The following SNX30 variants were observed in gnomAD, a reference collection of about 807,000 sequenced individuals.
The protein encoded by SNX30 is sorting nexin family member 30.
In SNX30, 24 loss-of-function variants were observed where a neutral mutation model predicts 46.4. That is an observed-to-expected ratio of 0.52 (90% CI 0.37 to 0.73). SNX30 has a LOEUF of 0.73. Among genes scored for constraint, SNX30 ranks in the 30% least tolerant of loss-of-function variants. SNX30 has a pLI of 0.00. For missense variants in SNX30, 533 were observed against 555.7 expected, an observed-to-expected ratio of 0.96 and a Z score of 0.41; for synonymous variants, 189 against 211.5, an observed-to-expected ratio of 0.89 and a Z score of 0.92.
chr9:112,863,228 G>A (rs1428881789), intron 7 of SNX30, among the ~76,000 whole-genome samples: 4 of 152,194 alleles, frequency 2.6e-5, no homozygotes, highest in African/African-American at 9.7e-5. Flanking sequence ...TGGACTCCCA[G>A]GGGTGAGCCA....
chr9:112,861,796 G>A (rs947299173), intron 7 of SNX30, among the ~76,000 whole-genome samples: 1 of 152,142 alleles, frequency 6.6e-6, no homozygotes, highest in Non-Finnish European at 1.5e-5. Context: ...CTTCCAAGTG[G>A]TCAAACATCT....
intron 2 of SNX30, among the ~76,000 whole-genome samples, chr9:112,809,151 A>G (rs1840277456): frequency 6.6e-6 from 1 of 150,896 alleles, no homozygotes; most frequent in Non-Finnish European, 1.5e-5. Context: ...CAGTGGTATG[A>G]CCTCAGCTCA....
chr9:112,772,290 G>T (rs780495719), intron 1 of SNX30, among the ~76,000 whole-genome samples: 1 of 152,182 alleles, frequency 6.6e-6, no homozygotes, highest in Non-Finnish European at 1.5e-5. Context: ...CTCTGTTGGG[G>T]ATTAGACTGA....
At chr9:112,850,498 C>T (rs1255355088) in intron 6 of SNX30, among the ~76,000 whole-genome samples, 11 of 152,214 alleles carry the variant, frequency 7.2e-5, no homozygotes, top group Admixed American at 2.0e-4. Flanking sequence ...TGCAAAGCTC[C>T]GCATTTCTGC....
chr9:112,773,371 A>G (rs1398350715), intron 1 of SNX30, among the ~76,000 whole-genome samples: 2 of 152,062 alleles, frequency 1.3e-5, no homozygotes, highest in Non-Finnish European at 2.9e-5. Context: ...CATACTTTAT[A>G]TGGCTACAAA....
intron 5 of SNX30, among the ~76,000 whole-genome samples, chr9:112,837,347 C>G (rs887212664): frequency 2.0e-5 from 3 of 151,998 alleles, no homozygotes; most frequent in African/African-American, 7.3e-5. Context: ...CTGATGGGAT[C>G]CAAGGGGCTG....
At chr9:112,828,471 T>G (rs1840611063) in intron 3 of SNX30, among the ~76,000 whole-genome samples, 1 of 152,228 alleles carries the variant, frequency 6.6e-6, no homozygotes, top group South Asian at 2.1e-4. Context: ...TCTCAGAGTG[T>G]ATCTCTGTCA....
chr9:112,876,985 G>A (rs1841525670), downstream of SNX30: 1 of 151,078 alleles, frequency 6.6e-6, no homozygotes, highest in Non-Finnish European at 1.5e-5. Context: ...GAAAATTCTT[G>A]AGAAAAAATC....
intron 3 of SNX30, among the ~76,000 whole-genome samples, chr9:112,829,250 A>T: frequency 6.7e-6 from 1 of 150,176 alleles, no homozygotes; most frequent in East Asian, 1.9e-4. Context: ...CCTGCTTTCA[A>T]TTTTTTTTTT....
intron 1 of SNX30, among the ~76,000 whole-genome samples, chr9:112,775,668 TC>T (rs1260270737): frequency 6.7e-6 from 1 of 150,222 alleles, no homozygotes; most frequent in Non-Finnish European, 1.5e-5. Flanking sequence ...GGGCCTAGCA[TC>T]CCCTTTCCCT....
Sources: allele counts gnomAD v4.1 joint callset (sites outside exome capture counted in the v4.1 genomes callset), GRCh38; gene constraint gnomAD v4.1.1; transcripts MANE v1.5; gene names NCBI Gene and HGNC (gene_info 2026-07-23, HGNC 2026-07-21).